Variants in BTAF1 observed in about 807,000 individuals in gnomAD.
The protein encoded by BTAF1 is TATA-binding protein-associated factor 172.
Under a neutral mutation model 227.1 loss-of-function variants are expected in BTAF1, and 38 were observed. That is an observed-to-expected ratio of 0.17 (90% CI 0.13 to 0.22). BTAF1 has a LOEUF of 0.22. BTAF1 is among the 10% of genes least tolerant of loss of function. BTAF1 has a pLI of 1.00. For missense variants in BTAF1, 1,598 were observed against 2,204.0 expected, an observed-to-expected ratio of 0.73 and a Z score of 5.51; for synonymous variants, 742 against 751.9, an observed-to-expected ratio of 0.99 and a Z score of 0.21.
At chr10:91,960,280 C>A in intron 11 of BTAF1, 126 bp downstream of exon 11, 1 of 1,044,120 alleles carries the variant, frequency 9.6e-7, no homozygotes, top group Non-Finnish European at 1.3e-6. Context: ...CCAAGATTTG[C>A]CGTCTTGAGA....
chr10:91,949,381 CCATT>C (rs1223023899), intron 4 of BTAF1, among the ~76,000 whole-genome samples: 4 of 152,160 alleles, frequency 2.6e-5, no homozygotes, highest in African/African-American at 9.7e-5. Flanking sequence ...GAGTTGGTAT[CCATT>C]AATTATCTTT....
chr10:91,935,520 C>T (rs1161523873), intron 1 of BTAF1, 137 bp from the exon 2 acceptor site: 1 of 885,588 alleles, frequency 1.1e-6, no homozygotes, highest in African/African-American at 1.7e-5. Context: ...GCTTATTTCA[C>T]CATAATGTCT....
intron 30 of BTAF1, 71 bp downstream of exon 30, chr10:92,011,486 G>T: frequency 1.4e-6 from 1 of 722,334 alleles, no homozygotes; most frequent in Non-Finnish European, 1.9e-6. Context: ...TGGAGGGTAG[G>T]CTTGGTATTT....
chr10:91,990,175 T>C (rs1490246253), intron 20 of BTAF1, among the ~76,000 whole-genome samples: 1 of 147,380 alleles, frequency 6.8e-6, no homozygotes, highest in African/African-American at 2.4e-5. Context: ...ATGTGCTTTT[T>C]GTATGTGTGA....
chr10:92,006,419 T>C (rs1183795509), intron 25 of BTAF1, among the ~76,000 whole-genome samples: 1 of 152,236 alleles, frequency 6.6e-6, no homozygotes, highest in Non-Finnish European at 1.5e-5. Context: ...AATTCATTGG[T>C]TGTCTTACAC....
At chr10:92,028,217 T>C (rs1405548101) in intron 37 of BTAF1, among the ~76,000 whole-genome samples, 1 of 152,154 alleles carries the variant, frequency 6.6e-6, no homozygotes, top group Non-Finnish European at 1.5e-5. Flanking sequence ...GGAATATTCT[T>C]ATGGGTGACT....
At chr10:91,977,032 A>AT (rs1202393505) in intron 14 of BTAF1, among the ~76,000 whole-genome samples, 2 of 152,204 alleles carry the variant, frequency 1.3e-5, no homozygotes, top group African/African-American at 4.8e-5. Flanking sequence ...GGTAAGTGGA[A>AT]TTTAGCCAGG....
chr10:91,942,350 A>C, intron 3 of BTAF1, 72 bp from the exon 4 acceptor site: 1 of 1,310,330 alleles, frequency 7.6e-7, no homozygotes, highest in Non-Finnish European at 1.1e-6. Context: ...CAACCCAAGT[A>C]ATGATATGCT....
chr10:91,981,027 GA>G (rs1323081116), intron 15 of BTAF1, among the ~76,000 whole-genome samples: 1 of 152,042 alleles, frequency 6.6e-6, no homozygotes, highest in Non-Finnish European at 1.5e-5. Context: ...TTTATGGGGG[GA>G]AATGGCACTT....
At chr10:92,011,196 G>A in intron 29 of BTAF1, 46 bp downstream of exon 29, 1 of 1,522,238 alleles carries the variant, frequency 6.6e-7, no homozygotes, top group Non-Finnish European at 8.9e-7. Context: ...CAAATTTGAA[G>A]ACTCTTAATA....
intron 4 of BTAF1, among the ~76,000 whole-genome samples, chr10:91,949,523 T>C (rs2133849421): frequency 6.6e-6 from 1 of 152,380 alleles, no homozygotes; most frequent in South Asian, 2.1e-4. Context: ...TGCTTGTTTT[T>C]GCTTGCTTGT....
At chr10:92,014,284 A>G (rs749250104) in intron 32 of BTAF1, among the ~76,000 whole-genome samples, 3 of 152,096 alleles carry the variant, frequency 2.0e-5, no homozygotes, top group Non-Finnish European at 4.4e-5. Flanking sequence ...GCTGGAGTGC[A>G]GGAGCACAGT....
chr10:92,004,152 G>A (rs1360319821), intron 25 of BTAF1, among the ~76,000 whole-genome samples: 1 of 151,926 alleles, frequency 6.6e-6, no homozygotes, highest in East Asian at 1.9e-4. Flanking sequence ...TTTATGGTTC[G>A]CAAATAATTT....
In BTAF1 at chr10:92,027,162, C is replaced by T. The variant is rs761778820; in HGVS notation, c.5268C>T (p.Thr1756=). 7 of 1,613,756 alleles carry T rather than the reference C, an allele frequency of 4.3e-6. No homozygotes were observed. In the South Asian group the frequency reaches 7.7e-5, roughly 18 times the overall value. ...TGGTTAACGTATACCGATTGATAAC[C>T]AGAGGAACATTGGAAGAAAAAATAA... ...KRVVNVYRLI[T]RGTLEEKIMG... Residue 1756 remains threonine (T), a synonymous_variant, in exon 37 of 38, where the codon ACC becomes ACT. Transcript: ENST00000265990.
chr10:91,941,934 C>T (rs771187063), intron 3 of BTAF1, among the ~76,000 whole-genome samples: 27 of 152,192 alleles, frequency 1.8e-4, no homozygotes, highest in Non-Finnish European at 3.4e-4. Flanking sequence ...AAGAACTGAT[C>T]ATAAACCCAC....
At chr10:91,979,293 T>G (rs1265590060) in intron 14 of BTAF1, among the ~76,000 whole-genome samples, 1 of 152,230 alleles carries the variant, frequency 6.6e-6, no homozygotes, top group Non-Finnish European at 1.5e-5. Context: ...TTCATGCATA[T>G]GTCTTTATGA....
intron 1 of BTAF1, among the ~76,000 whole-genome samples, chr10:91,924,816 A>G (rs1176251999): frequency 1.6e-4 from 24 of 152,186 alleles, no homozygotes; most frequent in Admixed American, 1.6e-3. Flanking sequence ...GGTATGATAG[A>G]ATGGTTGGAA....
intron 20 of BTAF1, among the ~76,000 whole-genome samples, chr10:91,991,795 GTGTATATATATATATATATATATAT>G (rs1848796473): frequency 1.8e-4 from 1 of 5,626 alleles, no homozygotes; most frequent in Non-Finnish European, 1.2e-3. Context: ...GTGTGTGTGT[GTGTATATATATATATATATATATAT>G]ATATATATAT....
intron 23 of BTAF1, 127 bp from the exon 24 acceptor site, chr10:91,996,242 G>T: frequency 1.4e-6 from 1 of 724,058 alleles, no homozygotes. Flanking sequence ...GTAATGTTTT[G>T]AAGTATTTGG....
Sources: gnomAD v4.1 joint callset for allele counts (sites outside exome capture counted in the v4.1 genomes callset) on GRCh38, gnomAD v4.1.1 for gene constraint, MANE v1.5 for transcripts, NCBI Gene and HGNC (gene_info 2026-07-23, HGNC 2026-07-21) for gene names.